The following ZSWIM6 variants were observed in gnomAD, a reference collection of about 807,000 sequenced individuals.
The protein encoded by ZSWIM6 is zinc finger SWIM-type containing 6, also known as zinc finger SWIM domain-containing protein 6.
In ZSWIM6, 9 loss-of-function variants were observed where a neutral mutation model predicts 113.2. That is an observed-to-expected ratio of 0.08 (90% CI 0.05 to 0.14). The LOEUF (loss-of-function observed/expected upper bound fraction) is 0.14. Among genes scored for constraint, ZSWIM6 ranks in the 10% least tolerant of loss-of-function variants. ZSWIM6 has a pLI of 1.00. For missense variants in ZSWIM6, 1,162 were observed against 1,552.2 expected, an observed-to-expected ratio of 0.75 and a Z score of 4.22; for synonymous variants, 611 against 606.5, an observed-to-expected ratio of 1.01 and a Z score of -0.11.
At chr5:61,430,836 T>G (rs1169750686) in intron 1 of ZSWIM6, among the ~76,000 whole-genome samples, 1 of 152,232 alleles carries the variant, frequency 6.6e-6, no homozygotes, top group Non-Finnish European at 1.5e-5. Flanking sequence ...TATTTTCTGA[T>G]CTTGAATCAA....
At chr5:61,365,662 T>C (rs1389014088) in intron 1 of ZSWIM6, among the ~76,000 whole-genome samples, 2 of 152,224 alleles carry the variant, frequency 1.3e-5, no homozygotes, top group Non-Finnish European at 2.9e-5. Flanking sequence ...GATTATGTTC[T>C]CTTCTACCAC....
intron 12 of ZSWIM6, among the ~76,000 whole-genome samples, chr5:61,541,019 C>T (rs1749721218): frequency 6.7e-6 from 1 of 149,670 alleles, no homozygotes; most frequent in East Asian, 2.0e-4. Flanking sequence ...TCTCAGCTCA[C>T]TGCAACCTCT....
intron 1 of ZSWIM6, among the ~76,000 whole-genome samples, chr5:61,377,232 A>G (rs1579962264): frequency 6.6e-6 from 1 of 152,148 alleles, no homozygotes; most frequent in Non-Finnish European, 1.5e-5. Context: ...AGCCATCTGG[A>G]AAAAAATAAA....
At chr5:61,421,479 T>C (rs1746354044) in intron 1 of ZSWIM6, among the ~76,000 whole-genome samples, 1 of 152,202 alleles carries the variant, frequency 6.6e-6, no homozygotes, top group Non-Finnish European at 1.5e-5. Flanking sequence ...ATTGTGCATA[T>C]GTATCACATG....
At chr5:61,352,769 TTC>T (rs1192057607) in intron 1 of ZSWIM6, among the ~76,000 whole-genome samples, 2 of 152,252 alleles carry the variant, frequency 1.3e-5, no homozygotes, top group African/African-American at 2.4e-5. Flanking sequence ...CTCTAATACA[TTC>T]TGTTTGGCAT....
intron 1 of ZSWIM6, among the ~76,000 whole-genome samples, chr5:61,469,510 A>T (rs1042252535): frequency 5.9e-5 from 9 of 152,232 alleles, no homozygotes; most frequent in Non-Finnish European, 1.0e-4. Context: ...TTTGCTTTTT[A>T]AAAAACTTTA....
At chr5:61,494,149 G>C (rs1748259242) in intron 3 of ZSWIM6, 111 bp from the exon 4 acceptor site, 2 of 1,011,104 alleles carry the variant, frequency 2.0e-6, no homozygotes, top group Non-Finnish European at 2.8e-6. Context: ...CACACACGGA[G>C]AGAGAGAGAG....
At chr5:61,355,285 C>T (rs1744874967) in intron 1 of ZSWIM6, among the ~76,000 whole-genome samples, 1 of 152,122 alleles carries the variant, frequency 6.6e-6, no homozygotes, top group Admixed American at 6.6e-5. Context: ...CCTACAGTGG[C>T]TCCTGGGTGT....
Position 61,535,472 on chromosome 5 carries a change from C to G in ZSWIM6, c.2246-12C>G, listed in dbSNP as rs774171641. Reference sequence around the variant, plus strand: ...TTTAGGAACGTAAAATGTGTATGCTCTCTTCCCACAGCCGGACCATATAGT... The same window carrying G: ...TTTAGGAACGTAAAATGTGTATGCTGTCTTCCCACAGCCGGACCATATAGT... On this transcript the variant is annotated splice_polypyrimidine_tract_variant and intron_variant, in intron 9 of 13. Transcript: ENST00000252744. The G allele has an allele frequency of 5.1e-5, 79 of 1,550,930 alleles. No individual in the cohort carries two copies. Among genetic ancestry groups the G allele is most frequent in the Middle Eastern group, 1.7e-4 (1 of 6,010 alleles).
chr5:61,337,563 A>G (rs1339626349), intron 1 of ZSWIM6, among the ~76,000 whole-genome samples: 1 of 152,216 alleles, frequency 6.6e-6, no homozygotes, highest in Non-Finnish European at 1.5e-5. Flanking sequence ...CTAAATTTCT[A>G]CAGAAGGGAA....
At chr5:61,530,893 G>GA (rs1393948183) in intron 8 of ZSWIM6, among the ~76,000 whole-genome samples, 1 of 152,202 alleles carries the variant, frequency 6.6e-6, no homozygotes, top group Non-Finnish European at 1.5e-5. Context: ...TGAAAGGCAT[G>GA]AGTCTGAATT....
At chr5:61,540,835 G>C (rs1388257176) in intron 12 of ZSWIM6, among the ~76,000 whole-genome samples, 1 of 151,166 alleles carries the variant, frequency 6.6e-6, no homozygotes, top group Admixed American at 6.6e-5. Context: ...GAATCTCACA[G>C]GCCCTTTGTG....
Position 61,332,849 on chromosome 5 carries a change from G to C in ZSWIM6, c.577G>C (p.Ala193Pro). 1 of 1,143,754 alleles carries C rather than the reference G, an allele frequency of 8.7e-7. No individual in the cohort carries two copies. Among genetic ancestry groups the C allele is most frequent in the Non-Finnish European group, 1.1e-6 (1 of 915,698 alleles). The allele number at this position is 1,143,754 out of a possible 1,614,324, so 70.9% of individuals were successfully genotyped here. ...AAGAGAPSVG[A>P]AGAADGGDET... ...GGGGGCCGGGGCCCCGTCGGTGGGGGCTGCCGGGGCGGCGGACGGCGGCGA... is the reference window on the plus strand; with the variant it reads ...GGGGGCCGGGGCCCCGTCGGTGGGGCCTGCCGGGGCGGCGGACGGCGGCGA... The change falls in exon 1 of 14, where the codon GCT becomes CCT. Residue 193 changes from alanine to proline, a missense_variant. This residue lies in a region of ZSWIM6 where 333 missense variants were observed against 293.4 expected (regional missense o/e 1.13). Transcript: ENST00000252744.
intron 1 of ZSWIM6, among the ~76,000 whole-genome samples, chr5:61,381,107 G>T (rs182003308): frequency 3.3e-4 from 51 of 152,244 alleles, no homozygotes; most frequent in Admixed American, 7.2e-4. Context: ...AAATAATTTA[G>T]CTGGGCGTGG....
intron 4 of ZSWIM6, among the ~76,000 whole-genome samples, chr5:61,511,363 A>G (rs949432670): frequency 5.9e-5 from 9 of 152,130 alleles, no homozygotes; most frequent in Non-Finnish European, 1.3e-4. Flanking sequence ...CATAGAACTC[A>G]TTGTTTAAAG....
At chr5:61,398,463 G>A (rs375733363) in intron 1 of ZSWIM6, among the ~76,000 whole-genome samples, 1 of 152,054 alleles carries the variant, frequency 6.6e-6, no homozygotes. Flanking sequence ...GGGGACTGCC[G>A]CCTTTATAGC....
intron 1 of ZSWIM6, chr5:61,347,099 A>G (rs182107894): frequency 6.1e-4 from 94 of 153,464 alleles, no homozygotes; most frequent in Non-Finnish European, 1.2e-3. Context: ...GTAATTGGGT[A>G]TGAATTTGTT....
chr5:61,363,846 C>T (rs1484494583), intron 1 of ZSWIM6, among the ~76,000 whole-genome samples: 1 of 150,234 alleles, frequency 6.7e-6, no homozygotes, highest in Non-Finnish European at 1.5e-5. Flanking sequence ...CCTCCCTTCC[C>T]TTTCCTTTTC....
At chr5:61,375,729 A>C (rs1745360550) in intron 1 of ZSWIM6, 1 of 1,539,550 alleles carries the variant, frequency 6.5e-7, no homozygotes, top group Non-Finnish European at 8.8e-7. Context: ...AGGTGCAAGC[A>C]AAAAAGAAGA....
Sources: gnomAD v4.1 joint callset for allele counts (sites outside exome capture counted in the v4.1 genomes callset) on GRCh38, gnomAD v4.1.1 for gene constraint, gnomAD v4.1.1 regional missense constraint, MANE v1.5 for transcripts, NCBI Gene and HGNC (gene_info 2026-07-23, HGNC 2026-07-21) for gene names.